Variants in CHD7 observed in about 807,000 individuals in gnomAD.
The protein encoded by CHD7 is ATP-dependent chromatin remodeler CHD7.
Under a neutral mutation model 307.3 loss-of-function variants are expected in CHD7, and 24 were observed. The ratio of observed to expected loss-of-function variants is 0.08; its 90% CI spans 0.06 to 0.11. The LOEUF (loss-of-function observed/expected upper bound fraction) is 0.11, where lower values mean the gene tolerates loss of function less well. CHD7 is among the 10% of genes least tolerant of loss of function. CHD7 has a pLI of 1.00. For synonymous variants in CHD7, 1,363 were observed against 1,349.9 expected, an observed-to-expected ratio of 1.01 and a Z score of -0.21; for missense variants, 3,106 against 3,727.1, an observed-to-expected ratio of 0.83 and a Z score of 4.34.
At chr8:60,836,378 G>A in intron 16 of CHD7, 95 bp downstream of exon 16, 1 of 1,009,400 alleles carries the variant, frequency 9.9e-7, no homozygotes. Flanking sequence ...CTATGATAAA[G>A]GGGCTAGAAT....
chr8:60,679,818 G>A (rs1805495212), intron 1 of CHD7: 1 of 148,604 alleles, frequency 6.7e-6, no homozygotes, highest in Admixed American at 6.7e-5. Context: ...GAAAGTGCGC[G>A]GGGCGCCGCG....
chr8:60,862,877 C>A (rs1806069576), intron 37 of CHD7: 1 of 526,946 alleles, frequency 1.9e-6, no homozygotes, highest in South Asian at 2.5e-5. Flanking sequence ...TGGAAACATA[C>A]ATTCACAATC....
intron 26 of CHD7, 173 bp from the exon 27 acceptor site, chr8:60,850,859 C>T (rs183030511): frequency 1.3e-5 from 9 of 675,562 alleles, no homozygotes; most frequent in African/African-American, 9.1e-5. Context: ...TCCCCAGACC[C>T]CCTCCACCAC....
chr8:60,842,564 A>G (rs1488557332), intron 21 of CHD7, among the ~76,000 whole-genome samples: 1 of 152,220 alleles, frequency 6.6e-6, no homozygotes, highest in Non-Finnish European at 1.5e-5. Context: ...GGGAGGATCC[A>G]TGTCCAATTT....
intron 6 of CHD7, among the ~76,000 whole-genome samples, chr8:60,807,588 G>A (rs538996561): frequency 1.3e-5 from 2 of 152,206 alleles, no homozygotes; most frequent in Non-Finnish European, 2.9e-5. Context: ...TATTTGGAGT[G>A]TTAATTTTAT....
At chr8:60,810,748 A>T (rs959160107) in intron 7 of CHD7, among the ~76,000 whole-genome samples, 2 of 152,106 alleles carry the variant, frequency 1.3e-5, no homozygotes, top group African/African-American at 2.4e-5. Context: ...ACTTTATCCA[A>T]AATGTCCTTG....
intron 1 of CHD7, among the ~76,000 whole-genome samples, chr8:60,692,453 A>G (rs975367358): frequency 1.3e-5 from 2 of 152,250 alleles, no homozygotes; most frequent in Admixed American, 1.3e-4. Flanking sequence ...TTGTTAAGCT[A>G]CAGTAACTAT....
intron 3 of CHD7, among the ~76,000 whole-genome samples, chr8:60,783,736 T>G (rs1252145755): frequency 6.6e-6 from 1 of 152,028 alleles, no homozygotes; most frequent in African/African-American, 2.4e-5. Context: ...AAACGGGAGC[T>G]GCTGCAGTGT....
chr8:60,862,191 T>C lies in CHD7; in HGVS notation c.7831-5T>C, dbSNP rs770131922. The stretch of plus-strand genomic sequence containing the variant: ...ATTTTACTAAATATGTTTTTTCTTT[T>C]GCAGAAGAATGCAGATGTGCTGTTT... On this transcript the variant is annotated splice_region_variant and splice_polypyrimidine_tract_variant and intron_variant, in intron 35 of 37. Coordinates refer to ENST00000423902, the MANE Select transcript of CHD7 (RefSeq NM_017780.4). 3.7e-6 allele frequency: 6 copies of C among 1,603,840 alleles called. No homozygotes were observed. The Admixed American group carries it at 8.5e-5, about 23-fold the overall frequency.
chr8:60,747,652 C>T lies in CHD7; in HGVS notation c.1665+4555C>T, dbSNP rs187214133. On this transcript the variant is annotated intron_variant, in intron 2 of 37. Transcript: ENST00000423902. ...ATGAGGATGAAAAAGCAAATAACAT[C>T]TCAGGATCATGTAGAAATAGTTCTG... is the stretch of plus-strand genomic sequence containing the variant. 2.6e-3 allele frequency among the ~76,000 whole-genome samples: 400 copies of T among 152,316 alleles called. 2 individuals carry two copies. Among genetic ancestry groups the T allele is most frequent in the African/African-American group, 9.0e-3 (376 of 41,562 alleles).
chr8:60,858,753 G>A lies in CHD7; in HGVS notation c.7608+1865G>A, dbSNP rs138109799. Among the ~76,000 whole-genome samples, 493 of 152,096 alleles carry A rather than the reference G, an allele frequency of 3.2e-3. 3 individuals carry two copies. The highest frequency in any genetic ancestry group is 0.011 in the African/African-American group (441 of 41,492). On this transcript the variant is annotated intron_variant, in intron 34 of 37. Transcript: ENST00000423902. ...CTCCCTAGTAGATGGGACTACAGGC[G>A]CGCACCACCATACCTGGCTAATTGT...
intron 2 of CHD7, among the ~76,000 whole-genome samples, chr8:60,759,167 T>G (rs1810036930): frequency 7.2e-6 from 1 of 139,176 alleles, no homozygotes. Flanking sequence ...AACTTTTTCT[T>G]ACAAAATTGA....
chr8:60,768,853 CCTTT>C (rs1429424080), intron 2 of CHD7, among the ~76,000 whole-genome samples: 3 of 152,086 alleles, frequency 2.0e-5, no homozygotes, highest in Non-Finnish European at 2.9e-5. Flanking sequence ...AACCTGCACT[CCTTT>C]GTTTGCAATA....
intron 21 of CHD7, among the ~76,000 whole-genome samples, chr8:60,842,491 G>C (rs2150787801): frequency 6.6e-6 from 1 of 152,318 alleles, no homozygotes; most frequent in East Asian, 1.9e-4. Context: ...TATGAAACAT[G>C]AATGGTCATT....
intron 2 of CHD7, among the ~76,000 whole-genome samples, chr8:60,779,152 A>G (rs1178428897): frequency 2.0e-5 from 3 of 152,238 alleles, no homozygotes; most frequent in Non-Finnish European, 4.4e-5. Context: ...GAAACTTTGG[A>G]AATCACCTAT....
At chr8:60,718,668 A>G (rs1385708229) in intron 1 of CHD7, among the ~76,000 whole-genome samples, 1 of 152,224 alleles carries the variant, frequency 6.6e-6, no homozygotes, top group Non-Finnish European at 1.5e-5. Flanking sequence ...CAGTAAACAG[A>G]TAAATTTATT....
intron 34 of CHD7, 121 bp from the exon 35 acceptor site, chr8:60,860,783 C>G: frequency 1.3e-6 from 1 of 783,866 alleles, no homozygotes; most frequent in Non-Finnish European, 2.1e-6. Flanking sequence ...GACATTGTTT[C>G]TAGTAACTAT....
At chr8:60,739,055 ACT>A (rs1343370325) in intron 1 of CHD7, among the ~76,000 whole-genome samples, 2 of 151,952 alleles carry the variant, frequency 1.3e-5, no homozygotes, top group Non-Finnish European at 2.9e-5. Flanking sequence ...GCTTGATCTG[ACT>A]CTGCCTCTGC....
At chr8:60,844,254 C>T (rs899373944) in intron 21 of CHD7, among the ~76,000 whole-genome samples, 1 of 152,196 alleles carries the variant, frequency 6.6e-6, no homozygotes, top group South Asian at 2.1e-4. Flanking sequence ...TGTCCATAGT[C>T]GTTTCTCCCA....
Sources: allele counts gnomAD v4.1 joint callset (sites outside exome capture counted in the v4.1 genomes callset), GRCh38; gene constraint gnomAD v4.1.1; transcripts MANE v1.5; gene names NCBI Gene and HGNC (gene_info 2026-07-23, HGNC 2026-07-21).